CFAP299: variants seen among roughly 807,000 people sequenced by gnomAD.
The protein encoded by CFAP299 is cilia and flagella associated protein 299.
CFAP299 carries 21 observed loss-of-function variants against 27.0 expected under a neutral mutation model. That is an observed-to-expected ratio of 0.78 (90% CI 0.55 to 1.12). CFAP299 has a LOEUF of 1.12. Among genes scored for constraint, CFAP299 ranks in the 50% most tolerant of loss-of-function variants. The pLI, the probability that CFAP299 is intolerant of heterozygous loss-of-function variation, is 0.00. For missense variants in CFAP299, 310 were observed against 276.6 expected (o/e 1.12, Z -0.86); for synonymous variants, 104 against 98.1 (o/e 1.06, Z -0.36).
At chr4:80,388,060 A>G (rs1725116491) in intron 2 of CFAP299, 3 of 687,606 alleles carry the variant, frequency 4.4e-6, no homozygotes, top group South Asian at 1.7e-5. Context: ...CCACCATTCC[A>G]CTCCCAGCCA....
chr4:80,703,392 A>G (rs1721630549), intron 3 of CFAP299, among the ~76,000 whole-genome samples: 1 of 151,690 alleles, frequency 6.6e-6, no homozygotes, highest in South Asian at 2.1e-4. Context: ...TCTTTTGTGC[A>G]GAATACTAGC....
At chr4:80,450,888 C>CGTGTGTGTGT (rs35096997) in intron 2 of CFAP299, among the ~76,000 whole-genome samples, 4 of 145,706 alleles carry the variant, frequency 2.7e-5, no homozygotes, top group African/African-American at 7.5e-5. Flanking sequence ...GGATTAATAC[C>CGTGTGTGTGT]GTGTGTGTGT....
intron 2 of CFAP299, among the ~76,000 whole-genome samples, chr4:80,413,125 G>T (rs1726810739): frequency 6.9e-6 from 1 of 145,700 alleles, no homozygotes; most frequent in Admixed American, 6.8e-5. Flanking sequence ...AGCCACCTGT[G>T]CGATAACATG....
At chr4:80,647,629 T>G (rs1740091357) in intron 3 of CFAP299, among the ~76,000 whole-genome samples, 1 of 152,164 alleles carries the variant, frequency 6.6e-6, no homozygotes, top group South Asian at 2.1e-4. Flanking sequence ...TCTGCCTTTT[T>G]TAGTTGTGGT....
chr4:80,822,152 C>G (rs1729742543), intron 3 of CFAP299, among the ~76,000 whole-genome samples: 1 of 152,104 alleles, frequency 6.6e-6, no homozygotes, highest in Non-Finnish European at 1.5e-5. Context: ...CTTATTATTC[C>G]AGTTTTTCGG....
chr4:80,696,654 A>T (rs1471827113), intron 3 of CFAP299, among the ~76,000 whole-genome samples: 1 of 152,214 alleles, frequency 6.6e-6, no homozygotes, highest in South Asian at 2.1e-4. Context: ...AAAAGGGAAT[A>T]AAAACAGGGT....
At chr4:80,690,845 A>G (rs1342097224) in intron 3 of CFAP299, among the ~76,000 whole-genome samples, 3 of 150,918 alleles carry the variant, frequency 2.0e-5, no homozygotes, top group Non-Finnish European at 3.0e-5. Flanking sequence ...GACGCAATAA[A>G]AATGATAAAG....
intron 2 of CFAP299, among the ~76,000 whole-genome samples, chr4:80,410,601 T>C (rs1726671204): frequency 6.6e-6 from 1 of 152,194 alleles, no homozygotes; most frequent in African/African-American, 2.4e-5. Context: ...TACCCGTCCA[T>C]GTATAGAACT....
chr4:80,487,750 A>G (rs1224830958), intron 2 of CFAP299, among the ~76,000 whole-genome samples: 1 of 152,188 alleles, frequency 6.6e-6, no homozygotes, highest in Non-Finnish European at 1.5e-5. Context: ...CTGCATTGCA[A>G]CTATCAAGAC....
At chr4:80,710,183 A>G (rs1339348190) in intron 3 of CFAP299, among the ~76,000 whole-genome samples, 1 of 152,208 alleles carries the variant, frequency 6.6e-6, no homozygotes, top group Non-Finnish European at 1.5e-5. Flanking sequence ...GAGCCTTAGT[A>G]TTTAAAGACC....
At chr4:80,858,085 T>G (rs908028959) in intron 3 of CFAP299, among the ~76,000 whole-genome samples, 5 of 152,142 alleles carry the variant, frequency 3.3e-5, no homozygotes, top group Non-Finnish European at 4.4e-5. Context: ...CAATTTCAGC[T>G]CCTGTTATTG....
At chr4:80,568,057 G>T (rs1735398163) in intron 2 of CFAP299, among the ~76,000 whole-genome samples, 1 of 151,616 alleles carries the variant, frequency 6.6e-6, no homozygotes, top group Non-Finnish European at 1.5e-5. Context: ...AGGAAAAGAT[G>T]ACTGGTGTAA....
rs1224768771 is a variant in CFAP299 at position 80,738,781 on chromosome 4, G to T, written c.334-131212G>T. Among the ~76,000 whole-genome samples the T allele has an allele frequency of 2.6e-5, 4 of 151,336 alleles. No homozygotes were observed. In the South Asian group the frequency reaches 6.3e-4, roughly 24 times the overall value. On this transcript the variant is annotated intron_variant, in intron 3 of 5. Transcript: ENST00000358105. ...ACTTATTCTTGCCATTTTATTATCTGTTTTCTGGTTGTTTTGGAGTCTTCT... is the reference window on the plus strand; with the variant it reads ...ACTTATTCTTGCCATTTTATTATCTTTTTTCTGGTTGTTTTGGAGTCTTCT...
At chr4:80,903,370 A>G (rs1167743640) in intron 4 of CFAP299, among the ~76,000 whole-genome samples, 3 of 152,096 alleles carry the variant, frequency 2.0e-5, no homozygotes, top group Non-Finnish European at 4.4e-5. Flanking sequence ...AGAAAAACAA[A>G]TTTCTAGTTC....
intron 2 of CFAP299, among the ~76,000 whole-genome samples, chr4:80,403,321 G>T (rs143106946): frequency 1.8e-4 from 27 of 152,248 alleles, no homozygotes; most frequent in African/African-American, 6.5e-4. Flanking sequence ...TGCTCTTTGC[G>T]ATAAGCAAAT....
At chr4:80,764,179 T>C (rs999490389) in intron 3 of CFAP299, among the ~76,000 whole-genome samples, 5 of 151,974 alleles carry the variant, frequency 3.3e-5, no homozygotes, top group African/African-American at 9.7e-5. Flanking sequence ...TACAGAATGG[T>C]AGAAAAATTT....
intron 4 of CFAP299, among the ~76,000 whole-genome samples, chr4:80,903,732 G>T (rs1318396552): frequency 1.3e-5 from 2 of 151,986 alleles, no homozygotes. Context: ...GTCCTTCAAA[G>T]ATATATCTGA....
intron 2 of CFAP299, among the ~76,000 whole-genome samples, chr4:80,410,864 G>A (rs1726685290): frequency 6.6e-6 from 1 of 151,822 alleles, no homozygotes. Flanking sequence ...TTCTATTCTA[G>A]GAAGAAGTTG....
chr4:80,420,525 T>A (rs1448680843), intron 2 of CFAP299, among the ~76,000 whole-genome samples: 3 of 152,224 alleles, frequency 2.0e-5, no homozygotes, highest in African/African-American at 7.2e-5. Context: ...GGATTAGTGA[T>A]GTTGAGTTTA....
Sources: gnomAD v4.1 joint callset for allele counts (sites outside exome capture counted in the v4.1 genomes callset) on GRCh38, gnomAD v4.1.1 for gene constraint, MANE v1.5 for transcripts, NCBI Gene and HGNC (gene_info 2026-07-23, HGNC 2026-07-21) for gene names.